The following DMD variants were observed in gnomAD, a reference collection of about 807,000 sequenced individuals.
The protein encoded by DMD is dystrophin.
Under a neutral mutation model 330.1 loss-of-function variants are expected in DMD, and 63 were observed. That is an observed-to-expected ratio of 0.19 (90% CI 0.16 to 0.24). The LOEUF is 0.24. Among genes scored for constraint, DMD ranks in the 10% least tolerant of loss-of-function variants. DMD has a pLI of 1.00. For missense variants in DMD, 3,344 were observed against 2,684.1 expected, an observed-to-expected ratio of 1.25 and a Z score of -5.43; for synonymous variants, 1,223 against 959.8, an observed-to-expected ratio of 1.27 and a Z score of -5.07.
At chrX:32,001,353 A>G (rs1264667750) in intron 44 of DMD, among the ~76,000 whole-genome samples, 1 of 111,297 alleles carries the variant, frequency 9.0e-6, no homozygotes, top group Non-Finnish European at 1.9e-5. Context: ...TGACTTTTAG[A>G]GTGACTAAAC....
intron 43 of DMD, among the ~76,000 whole-genome samples, chrX:32,230,335 C>T (rs2097164554): frequency 8.9e-6 from 1 of 112,046 alleles, no homozygotes; most frequent in South Asian, 3.7e-4. Flanking sequence ...AGCTCTGCCT[C>T]CCAGGTTCAC....
chrX:32,389,958 G>A, intron 31 of DMD, 113 bp downstream of exon 31: 1 of 635,922 alleles, frequency 1.6e-6, no homozygotes, highest in African/African-American at 2.2e-5. Flanking sequence ...TCAAATTATA[G>A]TTTTCAAATA....
At chrX:31,887,432 C>T (rs180972676) in intron 47 of DMD, among the ~76,000 whole-genome samples, 34 of 112,023 alleles carry the variant, frequency 3.0e-4, no homozygotes, top group Non-Finnish European at 2.1e-4. Flanking sequence ...AACAATCTGA[C>T]GCTATCTTCC....
rs181334198 is a variant in DMD at position 32,395,950 on chromosome X, T to C, written c.4234-5769A>G. On this transcript the variant is annotated intron_variant, in intron 30 of 78. Coordinates refer to ENST00000357033, the MANE Select transcript of DMD (RefSeq NM_004006.3). ...GCATTTAATTTTCTATTTATAATTT[T>C]TTTTTTCAAAGACTGCCCCTGGAAA... is the stretch of plus-strand genomic sequence containing the variant. Among the ~76,000 whole-genome samples, 555 of 111,447 alleles carry C rather than the reference T, an allele frequency of 5.0e-3. 3 individuals carry two copies. The highest frequency in any genetic ancestry group is 0.017 in the African/African-American group (537 of 30,693).
At chrX:31,605,673 T>A (rs182446388) in intron 55 of DMD, among the ~76,000 whole-genome samples, 244 of 111,386 alleles carry the variant, frequency 2.2e-3, no homozygotes, top group African/African-American at 7.5e-3. Context: ...AATGTATCAA[T>A]TGAGATCTTA....
At chrX:32,153,230 C>T (rs1357138125) in intron 44 of DMD, among the ~76,000 whole-genome samples, 1 of 111,682 alleles carries the variant, frequency 9.0e-6, no homozygotes, top group Non-Finnish European at 1.9e-5. Flanking sequence ...TAAGTTTGTA[C>T]ACAGACAATA....
chrX:31,929,804 T>C, intron 46 of DMD, 59 bp from the exon 47 acceptor site: 2 of 1,181,414 alleles, frequency 1.7e-6, no homozygotes, highest in Non-Finnish European at 2.3e-6. Flanking sequence ...CCAACTACCT[T>C]GTCTTTGCTT....
At chrX:32,168,006 G>C (rs758990404) in intron 44 of DMD, among the ~76,000 whole-genome samples, 5 of 112,522 alleles carry the variant, frequency 4.4e-5, no homozygotes, top group Non-Finnish European at 9.4e-5. Flanking sequence ...ATTTATACAA[G>C]ATAAGCATGA....
intron 62 of DMD, among the ~76,000 whole-genome samples, chrX:31,297,198 C>T (rs188342807): frequency 1.4e-3 from 156 of 110,843 alleles, no homozygotes; most frequent in African/African-American, 4.8e-3. Flanking sequence ...AGTTTATACA[C>T]CATCTTCCAA....
At chrX:32,809,461 TA>T in intron 7 of DMD, 31 bp downstream of exon 7, 1 of 1,105,896 alleles carries the variant, frequency 9.0e-7, no homozygotes, top group Non-Finnish European at 1.3e-6. Context: ...TCTACCATAC[TA>T]AAAGCAGTGG....
chrX:31,932,354 T>C (rs2094867108), intron 45 of DMD, 127 bp from the exon 46 acceptor site: 4 of 500,768 alleles, frequency 8.0e-6, no homozygotes, highest in Non-Finnish European at 1.3e-5. Context: ...TAACCATACA[T>C]AATTTAAGAA....
intron 1 of DMD, among the ~76,000 whole-genome samples, chrX:33,242,895 C>T (rs769914152): frequency 6.2e-4 from 70 of 112,034 alleles, no homozygotes; most frequent in African/African-American, 2.1e-3. Context: ...TGTAGATCTT[C>T]TTTAGGGAAT....
intron 62 of DMD, among the ~76,000 whole-genome samples, chrX:31,308,402 A>C: frequency 8.9e-6 from 1 of 111,743 alleles, no homozygotes. Context: ...AATCAACCCC[A>C]TCAACACTCA....
At chrX:32,684,018 TACACACACACACACACAC>T (rs369735561) in intron 9 of DMD, among the ~76,000 whole-genome samples, 2 of 70,950 alleles carry the variant, frequency 2.8e-5, no homozygotes, top group East Asian at 3.9e-4. Flanking sequence ...CACACATACA[TACACACACACACACACAC>T]ACACACACAC....
rs1221348551 is a variant in DMD, at chrX:32,230,475, G to C, written c.6291-13412C>G. On this transcript the variant is annotated intron_variant, in intron 43 of 78. Transcript: ENST00000357033. ...TTGGCCAGGACGGTCTCGATCTCCT[G>C]ACCTCGTGATCCTTCTGCCTCGGCC... Among the ~76,000 whole-genome samples the C allele has an allele frequency of 6.3e-5, 7 of 111,799 alleles. No individual in the cohort carries two copies. The East Asian group carries it at 2.0e-3, about 32-fold the overall frequency.
chrX:32,353,273 T>A (rs931905446), intron 37 of DMD, among the ~76,000 whole-genome samples: 1 of 111,468 alleles, frequency 9.0e-6, no homozygotes, highest in African/African-American at 3.2e-5. Context: ...CCCACCCAAT[T>A]AAAATTCTAC....
intron 59 of DMD, among the ~76,000 whole-genome samples, chrX:31,459,854 C>T (rs978272519): frequency 1.8e-5 from 2 of 112,006 alleles, no homozygotes; most frequent in Admixed American, 9.5e-5. Flanking sequence ...TGTGCCCTTA[C>T]TCTGCCTAAT....
chrX:31,140,156 G>A (rs981449360), intron 76 of DMD, among the ~76,000 whole-genome samples: 2 of 112,476 alleles, frequency 1.8e-5, no homozygotes, highest in Middle Eastern at 4.2e-3. Context: ...TCCCTTTCTT[G>A]AAGGGAAGAT....
At chrX:32,459,196 A>T (rs1240588789) in intron 25 of DMD, among the ~76,000 whole-genome samples, 1 of 111,190 alleles carries the variant, frequency 9.0e-6, no homozygotes, top group Non-Finnish European at 1.9e-5. Context: ...ATTAAGGGGC[A>T]GAAGGAAACT....
Sources: gnomAD v4.1 joint callset for allele counts (sites outside exome capture counted in the v4.1 genomes callset) on GRCh38, gnomAD v4.1.1 for gene constraint, MANE v1.5 for transcripts, NCBI Gene and HGNC (gene_info 2026-07-23, HGNC 2026-07-21) for gene names.